POLK: variants seen among roughly 807,000 people sequenced by gnomAD.
POLK encodes the protein DNA polymerase kappa.
A neutral mutation model predicts 94.0 loss-of-function variants in POLK; 76 were observed. That is an observed-to-expected ratio of 0.81 (90% confidence interval 0.67 to 0.98). POLK has a LOEUF of 0.98. POLK is among the 50% of genes least tolerant of loss of function. The probability of loss-of-function intolerance (pLI) is 0.00; values close to 1 mark genes in which losing one functional copy is unlikely to be tolerated. For missense variants in POLK, 954 were observed against 1,010.1 expected (o/e 0.94, Z 0.75); for synonymous variants, 349 against 325.4 (o/e 1.07, Z -0.78).
exon 11 of POLK, chr5:75,590,411 G>T (rs974799841): frequency 6.2e-7 from 1 of 1,609,362 alleles, no homozygotes; most frequent in East Asian, 2.2e-5. Context: ...CAGTGAGCTT[G>T]CTCAGGATCT....
exon 13 of POLK, chr5:75,597,101 A>G: frequency 1.2e-6 from 2 of 1,613,258 alleles, no homozygotes; most frequent in South Asian, 1.1e-5. Flanking sequence ...GTTTGCTTAA[A>G]TAAAAGTTTT....
chr5:75,540,593 CT>C (rs927358359), intron 1 of POLK, among the ~76,000 whole-genome samples: 8 of 152,094 alleles, frequency 5.3e-5, no homozygotes, highest in African/African-American at 1.7e-4. Context: ...GCCACTGCCC[CT>C]GGCCTAATTT....
At chr5:75,511,067 C>T, upstream of POLK, 1 of 1,492,650 alleles carries the variant, frequency 6.7e-7, no homozygotes, top group Non-Finnish European at 8.9e-7. Context: ...TGCCTCGCTG[C>T]AGGTGAGTCT....
At position 75,577,683 on chromosome 5, in the gene POLK, G is replaced by A. The variant is rs975485209; in HGVS notation, c.694+750G>A. 3.3e-5 allele frequency among the ~76,000 whole-genome samples: 5 copies of A among 152,180 alleles called. No individual in the cohort carries two copies. The South Asian group carries it at 1.0e-3, about 32-fold the overall frequency. ...TGTGCACCACTCATTGCTTCAGACGGGCCAGGCAGTGCTGGGGAGACCTGT... is the reference window on the plus strand; with the variant it reads ...TGTGCACCACTCATTGCTTCAGACGAGCCAGGCAGTGCTGGGGAGACCTGT... On this transcript the variant is annotated intron_variant, in intron 6 of 14. Coordinates refer to ENST00000241436, the Ensembl canonical transcript of POLK.
At chr5:75,603,923 T>C (rs1233027579), downstream of POLK, among the ~76,000 whole-genome samples, 2 of 152,230 alleles carry the variant, frequency 1.3e-5, no homozygotes, top group Non-Finnish European at 2.9e-5. Context: ...ATTCTTTGCA[T>C]GGCCCCCGAT....
chr5:75,609,781 T>C, the POLK span: 1 of 152,240 alleles, frequency 6.6e-6, no homozygotes, highest in East Asian at 1.9e-4. Context: ...GGCGGTGTTC[T>C]GATAAAATAA....
At chr5:75,515,899 TA>T (rs1554049894) in intron 1 of POLK, among the ~76,000 whole-genome samples, 1 of 152,124 alleles carries the variant, frequency 6.6e-6, no homozygotes, top group Non-Finnish European at 1.5e-5. Context: ...TCTAGTATAA[TA>T]AAAAAAATTT....
intron 6 of POLK, among the ~76,000 whole-genome samples, chr5:75,579,433 A>G (rs1289156684): frequency 1.3e-5 from 2 of 151,510 alleles, no homozygotes; most frequent in East Asian, 3.9e-4. Flanking sequence ...ACAGTGGCAC[A>G]ATCTCAGCTC....
chr5:75,544,881 G>A (rs1054836397), intron 1 of POLK, among the ~76,000 whole-genome samples: 3 of 152,116 alleles, frequency 2.0e-5, no homozygotes, highest in Non-Finnish European at 2.9e-5. Flanking sequence ...TGTGATAGTC[G>A]AAGGGAAAAA....
chr5:75,538,766 T>A (rs1769586568), intron 1 of POLK: 1 of 152,168 alleles, frequency 6.6e-6, no homozygotes, highest in African/African-American at 2.4e-5. Context: ...TGGTTTTATT[T>A]TTTTTTTATT....
intron 3 of POLK, among the ~76,000 whole-genome samples, chr5:75,564,382 A>G (rs1000703414): frequency 4.6e-5 from 7 of 151,894 alleles, no homozygotes; most frequent in African/African-American, 1.5e-4. Flanking sequence ...TCTTTATCCA[A>G]TTTGCCAGTC....
At chr5:75,557,388 G>T (rs568401005) in intron 3 of POLK, among the ~76,000 whole-genome samples, 2 of 152,288 alleles carry the variant, frequency 1.3e-5, no homozygotes, top group African/African-American at 4.8e-5. Flanking sequence ...ATTTTGACTA[G>T]GATTGCATTG....
intron 1 of POLK, among the ~76,000 whole-genome samples, chr5:75,541,077 A>G (rs1208301372): frequency 3.9e-5 from 6 of 152,108 alleles, no homozygotes; most frequent in Non-Finnish European, 8.8e-5. Flanking sequence ...TGAGGTCAGG[A>G]GTTTGAGATC....
At chr5:75,567,319 TTTTTAGTTTACA>T (rs1301909643) in intron 3 of POLK, among the ~76,000 whole-genome samples, 2 of 152,220 alleles carry the variant, frequency 1.3e-5, no homozygotes, top group East Asian at 3.8e-4. Context: ...AATAGAGTAG[TTTTTAGTTTACA>T]TTTGTTTTTG....
At position 75,542,526 on chromosome 5, in the gene POLK, TAA is replaced by T. The variant is rs1202392427; in HGVS notation, c.-13-4483_-13-4482del. The stretch of plus-strand genomic sequence containing the variant: ...CCTTAGAATTCTTTCTTAAAAATTC[TAA>T]GTTTCCATCTTTATTACCACCAAAA... On this transcript the variant is annotated intron_variant, in intron 1 of 14. Transcript: ENST00000241436. Among the ~76,000 whole-genome samples the T allele has an allele frequency of 2.0e-5, 3 of 151,948 alleles. No individual in the cohort carries two copies. In the East Asian group the frequency reaches 5.8e-4, roughly 29 times the overall value.
intron 3 of POLK, among the ~76,000 whole-genome samples, chr5:75,558,537 T>G (rs2112694313): frequency 6.6e-6 from 1 of 152,280 alleles, no homozygotes. Context: ...GTTCTTTGAT[T>G]TATTTCTGGA....
At chr5:75,589,388 T>TACACACAC (rs71600465) in intron 10 of POLK, among the ~76,000 whole-genome samples, 9,483 of 128,098 alleles carry the variant, frequency 0.074, 466 homozygotes, top group African/African-American at 0.08. Flanking sequence ...TATACACACA[T>TACACACAC]ACACACACAC....
intron 8 of POLK, 46 bp downstream of exon 8, chr5:75,583,463 T>C: frequency 7.8e-7 from 1 of 1,279,358 alleles, no homozygotes. Flanking sequence ...CTCTGAATTC[T>C]GAAGAGATAC....
rs1207347479 is a variant in POLK, at chr5:75,545,186, A to G, written c.-13-1824A>G. Among the ~76,000 whole-genome samples the G allele has an allele frequency of 5.3e-5, 8 of 152,284 alleles. No homozygotes were observed. In the South Asian group the frequency reaches 1.5e-3, roughly 28 times the overall value. The stretch of plus-strand genomic sequence containing the variant: ...GTCACAGTATTCAGAGTCCCTTCCA[A>G]AATTCTTTTTATTCTTTGCTGGTGC... On this transcript the variant is annotated intron_variant, in intron 1 of 14. Coordinates refer to ENST00000241436, the Ensembl canonical transcript of POLK.
Sources: allele counts gnomAD v4.1 joint callset (sites outside exome capture counted in the v4.1 genomes callset), GRCh38; gene constraint gnomAD v4.1.1; transcripts MANE v1.5; gene names NCBI Gene and HGNC (gene_info 2026-07-23, HGNC 2026-07-21).